The following DOCK2 variants were observed in gnomAD, a reference collection of about 807,000 sequenced individuals.
DOCK2 encodes dedicator of cytokinesis protein 2.
Under a neutral mutation model 248.9 loss-of-function variants are expected in DOCK2, and 87 were observed. The observed-to-expected ratio is 0.35, with a 90% CI of 0.29 to 0.42. DOCK2 has a LOEUF of 0.42. Among genes scored for constraint, DOCK2 ranks in the 10% least tolerant of loss-of-function variants. The probability of loss-of-function intolerance (pLI) is 1.00; values close to 1 mark genes in which losing one functional copy is unlikely to be tolerated. For synonymous variants in DOCK2, 805 were observed against 821.6 expected (o/e 0.98, Z 0.35); for missense variants, 1,747 against 2,300.2 (o/e 0.76, Z 4.92).
At chr5:169,712,358 A>G in intron 17 of DOCK2, 135 bp downstream of exon 17, 3 of 691,456 alleles carry the variant, frequency 4.3e-6, no homozygotes, top group Non-Finnish European at 7.3e-6. Flanking sequence ...GTGGCCTCTT[A>G]TAAACTCTTG....
chr5:169,940,066 T>G (rs1486092158), intron 27 of DOCK2, among the ~76,000 whole-genome samples: 2 of 152,214 alleles, frequency 1.3e-5, no homozygotes, highest in Non-Finnish European at 1.5e-5. Flanking sequence ...TCTAGAGCCC[T>G]GGTGACGGCT....
intron 26 of DOCK2, among the ~76,000 whole-genome samples, chr5:169,812,093 C>T (rs951908437): frequency 2.6e-5 from 4 of 152,198 alleles, no homozygotes; most frequent in African/African-American, 7.2e-5. Flanking sequence ...AACCCTGGGT[C>T]CATGGCCTGT....
intron 27 of DOCK2, among the ~76,000 whole-genome samples, chr5:169,879,307 C>T (rs1028687746): frequency 1.6e-4 from 24 of 152,172 alleles, no homozygotes; most frequent in African/African-American, 4.8e-4. Flanking sequence ...CTTATTCATT[C>T]GTTTCTAAGA....
intron 22 of DOCK2, among the ~76,000 whole-genome samples, chr5:169,733,831 C>T (rs2113635086): frequency 6.6e-6 from 1 of 152,228 alleles, no homozygotes; most frequent in South Asian, 2.1e-4. Context: ...ATCTCTTTCT[C>T]TTTGATGTTC....
intron 27 of DOCK2, among the ~76,000 whole-genome samples, chr5:169,977,265 C>A (rs1395056832): frequency 2.0e-5 from 3 of 152,198 alleles, no homozygotes; most frequent in African/African-American, 7.2e-5. Flanking sequence ...GCGGCAGAGG[C>A]TCTTAGCTGT....
chr5:170,046,942 A>G lies in DOCK2; in HGVS notation c.3967-568A>G, dbSNP rs1382338590. On this transcript the variant is annotated intron_variant, in intron 39 of 51. Coordinates refer to ENST00000520908, the MANE Select transcript of DOCK2 (RefSeq NM_004946.3). Reference sequence around the variant, plus strand: ...ACCATTCTTTTTATTGTGCCATGTCATGATTCCTTCAGGGCCAACTGCAGT... The same window carrying G: ...ACCATTCTTTTTATTGTGCCATGTCGTGATTCCTTCAGGGCCAACTGCAGT... 3.3e-5 allele frequency among the ~76,000 whole-genome samples: 5 copies of G among 152,236 alleles called. No individual in the cohort carries two copies. The East Asian group carries it at 9.6e-4, about 29-fold the overall frequency.
intron 27 of DOCK2, among the ~76,000 whole-genome samples, chr5:169,886,574 T>C (rs1022979085): frequency 1.3e-5 from 2 of 152,196 alleles, no homozygotes; most frequent in Admixed American, 1.3e-4. Context: ...GTAACAAATA[T>C]GTATTAACAA....
At chr5:170,042,159 G>C in intron 38 of DOCK2, 27 bp downstream of exon 38, 1 of 1,585,282 alleles carries the variant, frequency 6.3e-7, no homozygotes. Flanking sequence ...CACCCCCCGT[G>C]GGGACCCTGG....
intron 27 of DOCK2, among the ~76,000 whole-genome samples, chr5:169,935,711 A>G (rs989781189): frequency 3.9e-5 from 6 of 152,224 alleles, no homozygotes; most frequent in Admixed American, 2.6e-4. Context: ...TAGAGCTTCA[A>G]CTGCTACATT....
chr5:169,801,503 A>T (rs887404094), intron 25 of DOCK2, among the ~76,000 whole-genome samples: 3 of 152,184 alleles, frequency 2.0e-5, no homozygotes, highest in Non-Finnish European at 4.4e-5. Context: ...TGCCTAGCAC[A>T]TTGTAAGCAC....
intron 27 of DOCK2, among the ~76,000 whole-genome samples, chr5:169,854,932 C>G (rs1041760155): frequency 5.3e-5 from 8 of 152,164 alleles, no homozygotes; most frequent in Admixed American, 5.2e-4. Context: ...GTGACTAATT[C>G]CATGGTAGCA....
At chr5:170,007,590 T>C (rs932025369) in intron 30 of DOCK2, among the ~76,000 whole-genome samples, 4 of 152,200 alleles carry the variant, frequency 2.6e-5, no homozygotes, top group Admixed American at 2.0e-4. Context: ...CCATGGATTG[T>C]AGATCCATGG....
At position 170,081,956 on chromosome 5, in the gene DOCK2, A is replaced by C. The variant is rs143896166; in HGVS notation, c.5402A>C (p.Lys1801Thr). ...GGTGACAAGAAGACACTCACACGGAAGAAGGTCAATCAGTTCTTCAAGACA... is the reference window on the plus strand; with the variant it reads ...GGTGACAAGAAGACACTCACACGGACGAAGGTCAATCAGTTCTTCAAGACA... ...SDGDKKTLTR[K>T]KVNQFFKTML... The change falls in exon 51 of 52, where the codon AAG becomes ACG. Residue 1801 changes from lysine (K) to threonine (T), a missense_variant. By Grantham distance (78) the Lys-to-Thr change is moderately conservative (BLOSUM62 -1). Around this residue, in one of 4 missense-constraint regions of DOCK2, gnomAD observed 513 missense variants for 586.1 expected, o/e 0.88. Coordinates refer to ENST00000520908, the MANE Select transcript of DOCK2 (RefSeq NM_004946.3). 3 of 1,614,040 alleles carry C rather than the reference A, an allele frequency of 1.9e-6. No homozygotes were observed. The highest frequency in any genetic ancestry group is 2.2e-5 in the East Asian group (1 of 44,888).
intron 48 of DOCK2, among the ~76,000 whole-genome samples, chr5:170,078,289 G>A (rs531166165): frequency 6.6e-6 from 1 of 152,182 alleles, no homozygotes; most frequent in Admixed American, 6.5e-5. Flanking sequence ...TCCCTCCCTT[G>A]CCCCTTCCAC....
intron 23 of DOCK2, among the ~76,000 whole-genome samples, chr5:169,751,793 T>C (rs1763907331): frequency 6.6e-6 from 1 of 152,174 alleles, no homozygotes; most frequent in South Asian, 2.1e-4. Flanking sequence ...TTTCTGCTGA[T>C]CAGGTACCTA....
intron 1 of DOCK2, among the ~76,000 whole-genome samples, chr5:169,642,020 G>A (rs1349646104): frequency 6.6e-6 from 1 of 152,212 alleles, no homozygotes; most frequent in South Asian, 2.1e-4. Context: ...ATGAGGTGGG[G>A]TCACATGGCT....
chr5:169,734,786 T>C (rs1056815077), intron 22 of DOCK2, among the ~76,000 whole-genome samples: 5 of 152,226 alleles, frequency 3.3e-5, no homozygotes, highest in African/African-American at 7.2e-5. Flanking sequence ...TGCAACAAAC[T>C]GGGAAACCAG....
At chr5:169,748,354 C>G (rs567073339) in intron 23 of DOCK2, among the ~76,000 whole-genome samples, 21 of 152,196 alleles carry the variant, frequency 1.4e-4, no homozygotes, top group Non-Finnish European at 2.6e-4. Context: ...AGACTGTGCA[C>G]GTTAGAATTG....
At chr5:169,854,058 C>T (rs1172411152) in intron 27 of DOCK2, among the ~76,000 whole-genome samples, 5 of 151,372 alleles carry the variant, frequency 3.3e-5, no homozygotes, top group African/African-American at 2.4e-5. Flanking sequence ...CTCCTGACCT[C>T]GTGATCCGCC....
Sources: gnomAD v4.1 joint callset for allele counts (sites outside exome capture counted in the v4.1 genomes callset) on GRCh38, gnomAD v4.1.1 for gene constraint, gnomAD v4.1.1 regional missense constraint, MANE v1.5 for transcripts, NCBI Gene and HGNC (gene_info 2026-07-23, HGNC 2026-07-21) for gene names.